Variants in TNS3 observed in about 807,000 individuals in gnomAD.
TNS3 encodes tensin 3.
A neutral mutation model predicts 140.9 loss-of-function variants in TNS3; 45 were observed. The observed-to-expected ratio is 0.32, with a 90% CI of 0.25 to 0.41. The LOEUF is 0.41. Ranked by LOEUF, TNS3 falls within the 10% of genes least tolerant of loss-of-function variation. The pLI is 1.00. For missense variants in TNS3, 1,716 were observed against 1,906.7 expected (o/e 0.90, Z 1.86); for synonymous variants, 815 against 788.4 (o/e 1.03, Z -0.56).
chr7:47,447,702 C>T (rs971654518), intron 4 of TNS3, among the ~76,000 whole-genome samples: 1 of 152,178 alleles, frequency 6.6e-6, no homozygotes, highest in African/African-American at 2.4e-5. Flanking sequence ...TCCTGCAGTG[C>T]GCTATCCTAG....
intron 17 of TNS3, among the ~76,000 whole-genome samples, chr7:47,348,674 A>G (rs1332103399): frequency 6.6e-6 from 1 of 152,200 alleles, no homozygotes; most frequent in Non-Finnish European, 1.5e-5. Flanking sequence ...TCAACTAAAA[A>G]TAGTAATAAT....
At chr7:47,315,287 G>A (rs528382096) in intron 20 of TNS3, among the ~76,000 whole-genome samples, 20 of 152,212 alleles carry the variant, frequency 1.3e-4, no homozygotes, top group Non-Finnish European at 2.9e-4. Context: ...CTGGTATTCC[G>A]CCTAAGCAGC....
intron 1 of TNS3, among the ~76,000 whole-genome samples, chr7:47,562,385 CTTT>C (rs11348830): frequency 6.3e-5 from 9 of 143,930 alleles, no homozygotes; most frequent in Admixed American, 6.9e-5. Flanking sequence ...CATCTGCTGC[CTTT>C]TTTTTTTTTT....
Position 47,303,594 on chromosome 7 carries a change from A to C in TNS3, c.2823-10T>G, listed in dbSNP as rs769367277. On this transcript the variant is annotated splice_polypyrimidine_tract_variant and intron_variant, in intron 21 of 30. Transcript: ENST00000311160. ...TTCTGCAGAAGAGGAGCTGTTCAAA[A>C]GACAAGCCGACCAAGACAGCATGTA... 11 of 1,577,454 alleles carry C rather than the reference A, an allele frequency of 7.0e-6. No individual in the cohort carries two copies. Among genetic ancestry groups the C allele is most frequent in the Non-Finnish European group, 9.4e-6 (11 of 1,167,856 alleles).
intron 1 of TNS3, chr7:47,581,381 G>T (rs1381964548): frequency 6.9e-6 from 1 of 145,310 alleles, no homozygotes; most frequent in Non-Finnish European, 1.5e-5. Context: ...AAGGAAGCGC[G>T]TAAAGACCCC....
intron 16 of TNS3, among the ~76,000 whole-genome samples, chr7:47,385,333 G>C (rs879721317): frequency 3.3e-5 from 5 of 152,234 alleles, no homozygotes; most frequent in Non-Finnish European, 7.3e-5. Flanking sequence ...AATGCAAGCT[G>C]CATGCTCGGA....
chr7:47,389,081 G>A, intron 16 of TNS3, among the ~76,000 whole-genome samples: 2 of 71,504 alleles, frequency 2.8e-5, no homozygotes, highest in African/African-American at 1.5e-4. Flanking sequence ...AGAAGAAGAA[G>A]AAGAGGAAGA....
intron 3 of TNS3, among the ~76,000 whole-genome samples, chr7:47,493,301 C>T (rs970238887): frequency 6.6e-6 from 1 of 152,200 alleles, no homozygotes; most frequent in African/African-American, 2.4e-5. Context: ...AAATATCACA[C>T]TTCGGGGCAC....
chr7:47,394,739 A>G (rs1792727606), intron 16 of TNS3, among the ~76,000 whole-genome samples: 1 of 152,238 alleles, frequency 6.6e-6, no homozygotes, highest in South Asian at 2.1e-4. Flanking sequence ...GATGGTGAAC[A>G]CTCAACTGAT....
intron 4 of TNS3, among the ~76,000 whole-genome samples, chr7:47,446,661 T>TGAAAA (rs1795746733): frequency 6.9e-6 from 1 of 144,334 alleles, no homozygotes; most frequent in Admixed American, 7.2e-5. Context: ...AAGGTAAGCC[T>TGAAAA]GCAAAGACCG....
rs575592673 is a variant in TNS3 at position 47,536,366 on chromosome 7, G to A, written c.-264-7219C>T. Reference sequence around the variant, plus strand: ...CTTAGGGAAAGGGAGGCTGAACCTAGCGGGGAGCCAACCAGCACCGCTCTG... The same window carrying A: ...CTTAGGGAAAGGGAGGCTGAACCTAACGGGGAGCCAACCAGCACCGCTCTG... On this transcript the variant is annotated intron_variant, in intron 1 of 30. Transcript: ENST00000311160. Among the ~76,000 whole-genome samples the A allele has an allele frequency of 4.0e-4, 54 of 135,778 alleles. No homozygotes were observed. In the South Asian group the frequency reaches 0.011, roughly 27 times the overall value. The allele number at this position is 135,778 out of a possible 152,430, so 89.1% of individuals were successfully genotyped here. A position where few individuals can be genotyped will look rare whatever the true frequency, so the allele number is the denominator to read the frequency against.
chr7:47,335,197 T>C (rs1194770121), intron 20 of TNS3, among the ~76,000 whole-genome samples: 2 of 152,186 alleles, frequency 1.3e-5, no homozygotes, highest in Admixed American at 6.5e-5. Context: ...TGGGGCATAA[T>C]GTGGCCATGT....
At chr7:47,291,915 C>T in intron 27 of TNS3, 40 bp downstream of exon 27, 1 of 1,603,416 alleles carries the variant, frequency 6.2e-7, no homozygotes, top group South Asian at 1.1e-5. Flanking sequence ...CCTTTTTCTC[C>T]CCAGTCACCA....
At chr7:47,519,497 G>A (rs1798891851) in intron 2 of TNS3, among the ~76,000 whole-genome samples, 2 of 152,118 alleles carry the variant, frequency 1.3e-5, no homozygotes, top group African/African-American at 4.8e-5. Flanking sequence ...CAGCGGTGGG[G>A]CCACTCATCA....
intron 20 of TNS3, among the ~76,000 whole-genome samples, chr7:47,340,223 A>G (rs972065109): frequency 3.5e-5 from 5 of 142,912 alleles, no homozygotes; most frequent in Admixed American, 1.5e-4. Flanking sequence ...CCTGGGTTCA[A>G]GTGATTCTCC....
intron 16 of TNS3, among the ~76,000 whole-genome samples, chr7:47,390,098 C>T (rs942453624): frequency 1.3e-5 from 2 of 152,206 alleles, no homozygotes; most frequent in African/African-American, 2.4e-5. Context: ...GACAGCACTC[C>T]ACGTTGCCAA....
At chr7:47,575,443 T>C (rs1196816539) in intron 1 of TNS3, among the ~76,000 whole-genome samples, 1 of 152,224 alleles carries the variant, frequency 6.6e-6, no homozygotes, top group Non-Finnish European at 1.5e-5. Flanking sequence ...TTAGCATTTC[T>C]CTATCTTTTC....
intron 1 of TNS3, among the ~76,000 whole-genome samples, chr7:47,543,831 A>G (rs1799855507): frequency 6.6e-6 from 1 of 152,098 alleles, no homozygotes; most frequent in South Asian, 2.1e-4. Flanking sequence ...CAGGCTGTCA[A>G]TGAAATGTCA....
intron 1 of TNS3, among the ~76,000 whole-genome samples, chr7:47,547,963 C>T (rs913617991): frequency 1.2e-4 from 19 of 152,202 alleles, no homozygotes; most frequent in African/African-American, 3.9e-4. Flanking sequence ...TGCAGTGGCG[C>T]GATCTCAGTT....
Sources: allele counts gnomAD v4.1 joint callset (sites outside exome capture counted in the v4.1 genomes callset), GRCh38; gene constraint gnomAD v4.1.1; transcripts MANE v1.5; gene names NCBI Gene and HGNC (gene_info 2026-07-23, HGNC 2026-07-21).